Variants in POFUT4 observed in about 807,000 individuals in gnomAD.
The protein encoded by POFUT4 is protein O-fucosyltransferase 4.
the POFUT4 span, chr10:73,772,507 G>A: frequency 6.4e-7 from 1 of 1,561,502 alleles, no homozygotes. Context: ...CAGTGGGGGT[G>A]ACGCGCAGCT....
the POFUT4 span, among the ~76,000 whole-genome samples, chr10:73,776,920 C>T: frequency 6.6e-6 from 1 of 152,168 alleles, no homozygotes; most frequent in Admixed American, 6.5e-5. Flanking sequence ...ACTTCGTGAT[C>T]CGCCCGCCTT....
At chr10:73,779,050 G>A in the POFUT4 span, 1 of 149,032 alleles carries the variant, frequency 6.7e-6, no homozygotes, top group Admixed American at 6.8e-5. Context: ...TGAAGTGGGA[G>A]GATCGCCACT....
chr10:73,773,946 T>C, the POFUT4 span: 2 of 1,023,820 alleles, frequency 2.0e-6, no homozygotes, highest in Non-Finnish European at 2.8e-6. Flanking sequence ...GTATTTAAGG[T>C]GTCAACAGTC....
chr10:73,772,939 G>T, the POFUT4 span: 20 of 1,608,092 alleles, frequency 1.2e-5, no homozygotes, highest in Middle Eastern at 1.8e-4. Context: ...AACGCGCGGA[G>T]TGGCGCCGCC....
the POFUT4 span, chr10:73,775,177 T>C: frequency 3.8e-6 from 2 of 528,232 alleles, no homozygotes; most frequent in Non-Finnish European, 3.4e-6. Context: ...GGCATAAAGG[T>C]GAAACTTAAA....
chr10:73,774,017 A>G, the POFUT4 span: 3 of 573,028 alleles, frequency 5.2e-6, no homozygotes, highest in Non-Finnish European at 8.9e-6. Flanking sequence ...ATTCAAGGCA[A>G]CGTATGAAAA....
the POFUT4 span, chr10:73,772,565 C>A: frequency 1.3e-6 from 2 of 1,587,642 alleles, no homozygotes; most frequent in Non-Finnish European, 1.7e-6. Flanking sequence ...CTTGCCGGTA[C>A]TGCTGTGGTG....
At chr10:73,775,520 A>G in the POFUT4 span, 1 of 1,613,792 alleles carries the variant, frequency 6.2e-7, no homozygotes, top group Non-Finnish European at 8.5e-7. Flanking sequence ...CCATAATCCA[A>G]CCCCCATTTT....
the POFUT4 span, chr10:73,779,826 T>C: frequency 1.3e-5 from 2 of 152,336 alleles, no homozygotes; most frequent in South Asian, 2.1e-4. Context: ...TTTCATACTT[T>C]TACGTATAAA....
chr10:73,773,679 G>A, the POFUT4 span: 4 of 1,614,250 alleles, frequency 2.5e-6, no homozygotes, highest in Non-Finnish European at 3.4e-6. Context: ...GGCTCGGCTG[G>A]ATGCCGAGAA....
chr10:73,772,276 G>T, the POFUT4 span: 116 of 1,350,720 alleles, frequency 8.6e-5, no homozygotes, highest in Non-Finnish European at 1.1e-4. Flanking sequence ...GTCCGGTCAC[G>T]ACTATCCGCT....
chr10:73,775,812 T>C, the POFUT4 span: 1 of 989,108 alleles, frequency 1.0e-6, no homozygotes, highest in South Asian at 1.6e-5. Flanking sequence ...GGAATTCCAG[T>C]TTTATCTATT....
chr10:73,777,766 T>A, the POFUT4 span, among the ~76,000 whole-genome samples: 1 of 152,000 alleles, frequency 6.6e-6, no homozygotes, highest in Admixed American at 6.6e-5. Context: ...TGTTGGCCAG[T>A]CTGGTGTCGA....
chr10:73,772,396 C>A, the POFUT4 span: 5 of 1,569,184 alleles, frequency 3.2e-6, no homozygotes, highest in African/African-American at 7.0e-5. Flanking sequence ...TCTGTGCAGC[C>A]AGCGGCCATG....
At chr10:73,775,532 A>C in the POFUT4 span, 2 of 1,614,122 alleles carry the variant, frequency 1.2e-6, no homozygotes, top group Non-Finnish European at 1.7e-6. Flanking sequence ...CCCCATTTTG[A>C]TATTTCAGTT....
the POFUT4 span, chr10:73,773,382 G>C: frequency 6.2e-7 from 1 of 1,614,214 alleles, no homozygotes; most frequent in East Asian, 2.2e-5. Context: ...GCACCTGGGC[G>C]CTGTGCCCGT....
the POFUT4 span, chr10:73,778,968 A>T: frequency 1.3e-5 from 2 of 151,558 alleles, no homozygotes; most frequent in African/African-American, 4.9e-5. Flanking sequence ...GTAAAACCCC[A>T]TCTCTACAAA....
At chr10:73,775,584 C>T in the POFUT4 span, 2 of 1,614,136 alleles carry the variant, frequency 1.2e-6, no homozygotes, top group Non-Finnish European at 1.7e-6. Flanking sequence ...AGGTCTGGAC[C>T]AGGGGGAAGC....
chr10:73,777,426 TC>T, the POFUT4 span, among the ~76,000 whole-genome samples: 8 of 152,194 alleles, frequency 5.3e-5, no homozygotes, highest in Non-Finnish European at 1.2e-4. Flanking sequence ...CAAAGTCCCA[TC>T]TTCTGCAGTT....
Sources: allele counts gnomAD v4.1 joint callset (sites outside exome capture counted in the v4.1 genomes callset), GRCh38; gene constraint gnomAD v4.1.1; transcripts MANE v1.5; gene names NCBI Gene and HGNC (gene_info 2026-07-23, HGNC 2026-07-21).